STK3: variants seen among roughly 807,000 people sequenced by gnomAD.
The protein encoded by STK3 is serine/threonine-protein kinase 3.
STK3 carries 41 observed loss-of-function variants against 58.0 expected under a neutral mutation model. The ratio of observed to expected loss-of-function variants is 0.71; its 90% CI spans 0.55 to 0.92. The LOEUF is 0.92. STK3 is among the 40% of genes least tolerant of loss of function. The probability of loss-of-function intolerance (pLI) is 0.00; values close to 1 mark genes in which losing one functional copy is unlikely to be tolerated. For missense variants in STK3, 479 were observed against 602.7 expected (o/e 0.79, Z 2.15); for synonymous variants, 170 against 191.0 (o/e 0.89, Z 0.91).
chr8:98,838,639 T>C (rs1353066436), intron 3 of STK3, among the ~76,000 whole-genome samples: 6 of 152,158 alleles, frequency 3.9e-5, no homozygotes, highest in African/African-American at 1.4e-4. Context: ...TCAAATTCAA[T>C]TGCAAAAAGT....
intron 10 of STK3, among the ~76,000 whole-genome samples, chr8:98,524,368 GT>G (rs1438316771): frequency 6.6e-6 from 1 of 152,072 alleles, no homozygotes; most frequent in Non-Finnish European, 1.5e-5. Context: ...TTTAGGATGA[GT>G]TTTTTTCTAG....
chr8:98,713,559 C>T (rs996154838), intron 4 of STK3, among the ~76,000 whole-genome samples: 1 of 152,114 alleles, frequency 6.6e-6, no homozygotes, highest in African/African-American at 2.4e-5. Context: ...CACATACACC[C>T]TCCCAAGACT....
intron 3 of STK3, among the ~76,000 whole-genome samples, chr8:98,853,002 GA>G (rs1015410977): frequency 6.6e-6 from 1 of 151,508 alleles, no homozygotes; most frequent in South Asian, 2.1e-4. Flanking sequence ...TCCAAAATAT[GA>G]AAAAAAATTT....
Position 98,793,368 on chromosome 8 carries a change from C to T in STK3, c.27-18549G>A, listed in dbSNP as rs932360949. Among the ~76,000 whole-genome samples, 24 of 152,178 alleles carry T rather than the reference C, an allele frequency of 1.6e-4. 1 individual carries two copies. The highest frequency in any genetic ancestry group is 5.8e-4 in the African/African-American group (24 of 41,530). On this transcript the variant is annotated intron_variant, in intron 1 of 10. Transcript: ENST00000419617. The stretch of plus-strand genomic sequence containing the variant: ...TAATAAAAAAATGGAGAAACCCCAT[C>T]TCTACAAAAAATACAAAAAATTAGC...
chr8:98,821,267 C>T (rs1459727956), intron 1 of STK3, among the ~76,000 whole-genome samples: 2 of 152,118 alleles, frequency 1.3e-5, no homozygotes, highest in African/African-American at 2.4e-5. Flanking sequence ...AGGTTGCACG[C>T]TCCTTATGAT....
chr8:98,622,706 A>G (rs945009680), intron 6 of STK3, among the ~76,000 whole-genome samples: 1 of 152,230 alleles, frequency 6.6e-6, no homozygotes, highest in Non-Finnish European at 1.5e-5. Flanking sequence ...GACGGAAATT[A>G]TGTGTTCGCC....
intron 1 of STK3, among the ~76,000 whole-genome samples, chr8:98,443,763 G>A (rs1020001594): frequency 6.6e-6 from 1 of 152,024 alleles, no homozygotes; most frequent in African/African-American, 2.4e-5. Context: ...CAGGAAAATC[G>A]CTTGAACCTA....
At chr8:98,826,785 G>A (rs1835329107), upstream of STK3, among the ~76,000 whole-genome samples, 2 of 130,268 alleles carry the variant, frequency 1.5e-5, no homozygotes, top group South Asian at 5.3e-4. Flanking sequence ...AATACTTTGG[G>A]AGGCCAAGGC....
At chr8:98,555,508 C>CTAT (rs1366095002) in intron 8 of STK3, among the ~76,000 whole-genome samples, 2 of 152,060 alleles carry the variant, frequency 1.3e-5, no homozygotes, top group Non-Finnish European at 2.9e-5. Context: ...TATTTTTCTT[C>CTAT]TTAAAATGAC....
At chr8:98,931,121 T>A (rs1430556281) in intron 1 of STK3, among the ~76,000 whole-genome samples, 4 of 152,236 alleles carry the variant, frequency 2.6e-5, no homozygotes, top group Non-Finnish European at 5.9e-5. Flanking sequence ...TGAGCTCAAG[T>A]GCAACCACTG....
intron 10 of STK3, among the ~76,000 whole-genome samples, chr8:98,491,747 C>A (rs897907171): frequency 6.6e-6 from 1 of 152,042 alleles, no homozygotes; most frequent in Admixed American, 6.6e-5. Flanking sequence ...TCTTAAAAAC[C>A]AGGAGGACAG....
chr8:98,547,623 G>C (rs894626502), intron 9 of STK3, among the ~76,000 whole-genome samples: 1 of 152,110 alleles, frequency 6.6e-6, no homozygotes, highest in African/African-American at 2.4e-5. Flanking sequence ...ATAGTCTGTT[G>C]AATTTACTGG....
intron 10 of STK3, among the ~76,000 whole-genome samples, chr8:98,498,280 TG>T (rs1484745099): frequency 1.3e-5 from 2 of 151,984 alleles, no homozygotes; most frequent in African/African-American, 4.8e-5. Flanking sequence ...ATGGCCTAGA[TG>T]GGGTGGGTGT....
intron 3 of STK3, among the ~76,000 whole-genome samples, chr8:98,868,337 C>T (rs1231219101): frequency 1.3e-5 from 2 of 152,186 alleles, no homozygotes; most frequent in African/African-American, 4.8e-5. Context: ...GGAGAAAGAT[C>T]ATTAACCTTA....
chr8:98,344,895 A>AAC, the STK3 span, among the ~76,000 whole-genome samples: 1 of 142,772 alleles, frequency 7.0e-6, no homozygotes, highest in African/African-American at 2.7e-5. Context: ...TCCGTCTCAA[A>AAC]AAAAAAAAAA....
chr8:98,887,573 C>T (rs1425984121), intron 1 of STK3, among the ~76,000 whole-genome samples: 5 of 152,052 alleles, frequency 3.3e-5, no homozygotes. Flanking sequence ...TCATTTACTT[C>T]TGAAATCCCA....
chr8:98,848,222 C>T (rs1836286709), intron 3 of STK3, among the ~76,000 whole-genome samples: 2 of 151,960 alleles, frequency 1.3e-5, no homozygotes, highest in African/African-American at 4.8e-5. Flanking sequence ...CCCTCCCAGT[C>T]CCTGGCAACT....
intron 4 of STK3, among the ~76,000 whole-genome samples, chr8:98,746,828 A>G (rs1262182116): frequency 6.6e-6 from 1 of 152,062 alleles, no homozygotes; most frequent in Non-Finnish European, 1.5e-5. Context: ...GCTTGAGACC[A>G]GGAGTTGAAG....
chr8:98,595,061 C>T (rs999934540), intron 7 of STK3: 1 of 152,128 alleles, frequency 6.6e-6, no homozygotes, highest in Non-Finnish European at 1.5e-5. Context: ...AATATTTTTA[C>T]ACATGTTATT....
Sources: allele counts gnomAD v4.1 joint callset (sites outside exome capture counted in the v4.1 genomes callset), GRCh38; gene constraint gnomAD v4.1.1; transcripts MANE v1.5; gene names NCBI Gene and HGNC (gene_info 2026-07-23, HGNC 2026-07-21).